Variants in PPFIBP1 observed in about 807,000 individuals in gnomAD.
PPFIBP1 encodes the protein PPFIB scaffold protein 1.
A neutral mutation model predicts 137.8 loss-of-function variants in PPFIBP1; 112 were observed. That is an observed-to-expected ratio of 0.81 (90% confidence interval 0.70 to 0.95). PPFIBP1 has a LOEUF of 0.95. PPFIBP1 is among the 40% of genes least tolerant of loss of function. The probability of loss-of-function intolerance (pLI) is 0.00; values close to 1 mark genes in which losing one functional copy is unlikely to be tolerated. For synonymous variants in PPFIBP1, 378 were observed against 417.3 expected, an observed-to-expected ratio of 0.91 and a Z score of 1.15; for missense variants, 1,083 against 1,196.6, an observed-to-expected ratio of 0.91 and a Z score of 1.40.
rs116496754 is a variant in PPFIBP1, at chr12:27,665,963, G to A, written c.992-1203G>A. ...CTATCCTATGGAATATTGCAAATTT[G>A]TAAGTGATTAATTTTTACATATGCC... On this transcript the variant is annotated intron_variant, in intron 12 of 29. Coordinates refer to ENST00000228425, the MANE Select transcript of PPFIBP1 (RefSeq NM_003622.4). 4.7e-3 allele frequency among the ~76,000 whole-genome samples: 711 copies of A among 152,326 alleles called. 5 individuals carry two copies. The highest frequency in any genetic ancestry group is 0.016 in the African/African-American group (661 of 41,580).
At chr12:27,690,698 A>G (rs2140574429) in intron 27 of PPFIBP1, among the ~76,000 whole-genome samples, 1 of 152,356 alleles carries the variant, frequency 6.6e-6, no homozygotes, top group African/African-American at 2.4e-5. Flanking sequence ...GGGTCCAAAT[A>G]TTGATTGCAG....
Position 27,693,179 on chromosome 12 carries a change from C to T in PPFIBP1, c.*297C>T. The T allele has an allele frequency of 3.7e-6, 1 of 267,276 alleles. No homozygotes were observed. The highest frequency in any genetic ancestry group is 9.1e-5 in the East Asian group (1 of 10,944). The allele number at this position is 267,276 out of a possible 1,614,324, so 16.6% of individuals were successfully genotyped here. ...AGTATTTTACCAGAGTGTTTCCATT[C>T]ATATCCGCGGTATGGAGGATTTGAG... is the stretch of plus-strand genomic sequence containing the variant. On this transcript the variant is annotated 3_prime_UTR_variant, in exon 30 of 30. Coordinates refer to ENST00000228425, the MANE Select transcript of PPFIBP1 (RefSeq NM_003622.4).
intron 1 of PPFIBP1, among the ~76,000 whole-genome samples, chr12:27,567,549 A>G (rs1278727598): frequency 6.6e-6 from 1 of 152,170 alleles, no homozygotes; most frequent in Non-Finnish European, 1.5e-5. Context: ...GCAAGATAAT[A>G]TGGGAGTGTG....
At position 27,654,789 on chromosome 12, in the gene PPFIBP1, A is replaced by C; in HGVS notation, c.671A>C (p.Tyr224Ser). 1 of 1,612,392 alleles carries C rather than the reference A, an allele frequency of 6.2e-7. No homozygotes were observed. Residue 224 changes from tyrosine (Y) to serine (S), a missense_variant, in exon 8 of 30, where the codon TAT becomes TCT. Transcript: ENST00000228425. ...GAAATGGACAGTGAGAGACTTCAGT[A>C]TGAAAAAAAGCTTAAATCAACCAAA... is the stretch of plus-strand genomic sequence containing the variant. ...VSEMDSERLQ[Y>S]EKKLKSTKDE...
In PPFIBP1 at chr12:27,695,109, T is replaced by C. The variant is rs1251546975; in HGVS notation, c.*2227T>C. On this transcript the variant is annotated 3_prime_UTR_variant, in exon 30 of 30. Transcript: ENST00000228425. Reference sequence around the variant, plus strand: ...CCTGGTTGAAAATACCAGGAAACTGTTACAGACGCCATTTTTTTTTTTTTT... The same window carrying C: ...CCTGGTTGAAAATACCAGGAAACTGCTACAGACGCCATTTTTTTTTTTTTT... The C allele has an allele frequency of 1.5e-5, 2 of 136,628 alleles. No homozygotes were observed. Among genetic ancestry groups the C allele is most frequent in the Non-Finnish European group, 3.1e-5 (2 of 64,962 alleles). 8.5% of individuals were successfully genotyped at this position (136,628 alleles called of 1,614,324 possible). A position where few individuals can be genotyped will look rare whatever the true frequency, so the allele number is the denominator to read the frequency against.
intron 28 of PPFIBP1, among the ~76,000 whole-genome samples, chr12:27,692,226 G>A (rs2061589807): frequency 6.6e-6 from 1 of 152,158 alleles, no homozygotes; most frequent in Non-Finnish European, 1.5e-5. Flanking sequence ...CTGTCTCTTT[G>A]GCTCCAAAGC....
At chr12:27,583,303 T>A (rs1420783832) in intron 2 of PPFIBP1, among the ~76,000 whole-genome samples, 1 of 152,222 alleles carries the variant, frequency 6.6e-6, no homozygotes, top group Non-Finnish European at 1.5e-5. Context: ...CTTCTGGTTC[T>A]AAGCATGGAA....
In PPFIBP1 at chr12:27,631,351, ATG is replaced by A. The variant is rs1485900070; in HGVS notation, c.-35-2010_-35-2009del. 3.9e-4 allele frequency among the ~76,000 whole-genome samples: 60 copies of A among 152,258 alleles called. 1 individual carries two copies. The Middle Eastern group carries it at 0.027, about 70-fold the overall frequency. Reference sequence around the variant, plus strand: ...GAGAAGTCTTTGGCCTTTGATTCTAATGCCAGTCCCTGGCTACCTGTTTAATT... The same window carrying A: ...GAGAAGTCTTTGGCCTTTGATTCTAACCAGTCCCTGGCTACCTGTTTAATT... On this transcript the variant is annotated intron_variant, in intron 2 of 29. Coordinates refer to ENST00000228425, the MANE Select transcript of PPFIBP1 (RefSeq NM_003622.4).
chr12:27,616,639 A>T (rs777165933), intron 2 of PPFIBP1, among the ~76,000 whole-genome samples: 20 of 152,218 alleles, frequency 1.3e-4, no homozygotes, highest in Admixed American at 3.3e-4. Flanking sequence ...GAGATTGAAG[A>T]TGTAAAAGAG....
At position 27,679,681 on chromosome 12, in the gene PPFIBP1, A is replaced by G. The variant is rs772957092; in HGVS notation, c.1766+42A>G. 21 of 1,595,206 alleles carry G rather than the reference A, an allele frequency of 1.3e-5. No homozygotes were observed. In the South Asian group the frequency reaches 1.6e-4, roughly 12 times the overall value. ...ACAAGTGGAATGGGCCCTGTCTTAC[A>G]TGTTGCTTAAAAGTGGCTGGACATG... On this transcript the variant is annotated intron_variant, in intron 20 of 29. Transcript: ENST00000228425.
At position 27,644,222 on chromosome 12, in the gene PPFIBP1, G is replaced by A. The variant is rs150150379; in HGVS notation, c.271-1840G>A. On this transcript the variant is annotated intron_variant, in intron 4 of 29. Transcript: ENST00000228425. ...CTCCAGAGTAACTAGGACCACAGGCGCACACCACCAAGCTTGGCTAAGTTT... is the reference window on the plus strand; with the variant it reads ...CTCCAGAGTAACTAGGACCACAGGCACACACCACCAAGCTTGGCTAAGTTT... Among the ~76,000 whole-genome samples, 614 of 139,510 alleles carry A rather than the reference G, an allele frequency of 4.4e-3. 9 individuals are homozygous for A. The highest frequency in any genetic ancestry group is 0.015 in the African/African-American group (574 of 37,158). 91.5% of individuals were successfully genotyped at this position (139,510 alleles called of 152,430 possible). A position where few individuals can be genotyped will look rare whatever the true frequency, so the allele number is the denominator to read the frequency against.
intron 1 of PPFIBP1, among the ~76,000 whole-genome samples, chr12:27,549,992 CAGATA>C (rs1481952002): frequency 7.2e-5 from 11 of 152,220 alleles, no homozygotes; most frequent in African/African-American, 2.7e-4. Context: ...TGAAGCCAGG[CAGATA>C]GGGTGTGACT....
chr12:27,667,884 A>G (rs1265277257), intron 13 of PPFIBP1, among the ~76,000 whole-genome samples: 1 of 152,120 alleles, frequency 6.6e-6, no homozygotes, highest in Non-Finnish European at 1.5e-5. Context: ...AAGGGTGAGC[A>G]TTCCAAGAGG....
At chr12:27,670,816 A>AATAATG in intron 13 of PPFIBP1, among the ~76,000 whole-genome samples, 1 of 149,416 alleles carries the variant, frequency 6.7e-6, no homozygotes. Context: ...TAATAATAAT[A>AATAATG]GAGTGTTGAA....
At chr12:27,532,148 T>G (rs1007277314) in intron 1 of PPFIBP1, among the ~76,000 whole-genome samples, 1 of 152,188 alleles carries the variant, frequency 6.6e-6, no homozygotes. Context: ...GTTAAGCAAT[T>G]CCCAGCCTTG....
At chr12:27,547,872 T>C (rs73091432) in intron 1 of PPFIBP1, 23,566 of 152,178 alleles carry the variant, frequency 0.15, 2,112 homozygotes, top group Middle Eastern at 0.27. Context: ...GGGATGGGTG[T>C]ATTGGCCCTA....
chr12:27,531,513 G>C (rs1167236152), intron 1 of PPFIBP1, among the ~76,000 whole-genome samples: 1 of 151,256 alleles, frequency 6.6e-6, no homozygotes, highest in Non-Finnish European at 1.5e-5. Context: ...ATCGTGGCCA[G>C]GCTGGTCTCA....
intron 18 of PPFIBP1, 185 bp downstream of exon 18, chr12:27,676,784 G>A (rs1182480235): frequency 1.4e-6 from 1 of 692,880 alleles, no homozygotes; most frequent in Admixed American, 2.7e-5. Flanking sequence ...AAGATATATA[G>A]ACTCTCACCC....
rs559753996 is a variant in PPFIBP1 at position 27,593,787 on chromosome 12, T to C, written c.-36+15548T>C. 153 of 938,502 alleles carry C rather than the reference T, an allele frequency of 1.6e-4. 2 individuals carry two copies. In the South Asian group the frequency reaches 1.7e-3, roughly 10 times the overall value. 58.1% of individuals were successfully genotyped at this position (938,502 alleles called of 1,614,324 possible). A position where few individuals can be genotyped will look rare whatever the true frequency, so the allele number is the denominator to read the frequency against. ...GTCCCAGGCCAGGAAGATGTTCAGTTTGCAAAACTGTCTGGTTCGTCCTGA... is the reference window on the plus strand; with the variant it reads ...GTCCCAGGCCAGGAAGATGTTCAGTCTGCAAAACTGTCTGGTTCGTCCTGA... On this transcript the variant is annotated intron_variant, in intron 2 of 29. Coordinates refer to ENST00000228425, the MANE Select transcript of PPFIBP1 (RefSeq NM_003622.4).
Sources: allele counts gnomAD v4.1 joint callset (sites outside exome capture counted in the v4.1 genomes callset), GRCh38; gene constraint gnomAD v4.1.1; transcripts MANE v1.5; gene names NCBI Gene and HGNC (gene_info 2026-07-23, HGNC 2026-07-21).